ANKS1B: variants seen among roughly 807,000 people sequenced by gnomAD.
ANKS1B encodes the protein ankyrin repeat and sterile alpha motif domain-containing protein 1B.
A neutral mutation model predicts 148.3 loss-of-function variants in ANKS1B; 36 were observed. That is an observed-to-expected ratio of 0.24 (90% confidence interval 0.19 to 0.32). The LOEUF (loss-of-function observed/expected upper bound fraction) is 0.32, where lower values mean the gene tolerates loss of function less well. ANKS1B is among the 10% of genes least tolerant of loss of function. The probability of loss-of-function intolerance (pLI) is 1.00; values close to 1 mark genes in which losing one functional copy is unlikely to be tolerated. For synonymous variants in ANKS1B, 542 were observed against 560.8 expected (o/e 0.97, Z 0.47); for missense variants, 1,157 against 1,542.6 (o/e 0.75, Z 4.19).
At chr12:99,727,691 A>C (rs1037871118) in intron 8 of ANKS1B, among the ~76,000 whole-genome samples, 9 of 152,194 alleles carry the variant, frequency 5.9e-5, no homozygotes, top group African/African-American at 2.2e-4. Context: ...GGACAATCCT[A>C]ATCAAAAAGA....
intron 16 of ANKS1B, among the ~76,000 whole-genome samples, chr12:99,057,978 A>G (rs1565804369): frequency 6.6e-6 from 1 of 152,158 alleles, no homozygotes; most frequent in Non-Finnish European, 1.5e-5. Context: ...TAAGAAAAAA[A>G]TATTTTTTGT....
intron 10 of ANKS1B, among the ~76,000 whole-genome samples, chr12:99,447,765 T>C (rs866389152): frequency 1.3e-5 from 2 of 151,866 alleles, no homozygotes; most frequent in African/African-American, 2.4e-5. Context: ...GAGAAAACAA[T>C]AACCTGATTT....
intron 1 of ANKS1B, among the ~76,000 whole-genome samples, chr12:99,976,871 GT>G (rs1254628722): frequency 2.0e-5 from 3 of 152,186 alleles, no homozygotes; most frequent in Non-Finnish European, 4.4e-5. Context: ...AACAATGTAT[GT>G]TTTTGTGATT....
At chr12:99,430,442 G>A (rs934114355) in intron 11 of ANKS1B, among the ~76,000 whole-genome samples, 1 of 152,148 alleles carries the variant, frequency 6.6e-6, no homozygotes, top group African/African-American at 2.4e-5. Flanking sequence ...TTTGATGTCT[G>A]GCAAGTAAGT....
At chr12:99,875,348 T>C (rs913688416) in intron 1 of ANKS1B, among the ~76,000 whole-genome samples, 2 of 152,164 alleles carry the variant, frequency 1.3e-5, no homozygotes, top group African/African-American at 2.4e-5. Flanking sequence ...GCTTGTAGAT[T>C]TGAATCATTT....
At chr12:98,850,568 C>T (rs568949143) in intron 17 of ANKS1B, among the ~76,000 whole-genome samples, 6 of 142,264 alleles carry the variant, frequency 4.2e-5, no homozygotes, top group South Asian at 4.8e-4. Context: ...CCTGGGTTCA[C>T]GCCATTCTCC....
chr12:99,093,039 G>A (rs1045656440), intron 15 of ANKS1B, among the ~76,000 whole-genome samples: 1 of 152,112 alleles, frequency 6.6e-6, no homozygotes, highest in Non-Finnish European at 1.5e-5. Flanking sequence ...TACATAAAAA[G>A]AACCAAATGT....
intron 10 of ANKS1B, among the ~76,000 whole-genome samples, chr12:99,484,551 T>G (rs1243430870): frequency 6.6e-6 from 1 of 152,004 alleles, no homozygotes. Flanking sequence ...CTTTGTTGAT[T>G]TTACGTCTCA....
chr12:99,466,157 T>C (rs977140342), intron 10 of ANKS1B, among the ~76,000 whole-genome samples: 5 of 152,062 alleles, frequency 3.3e-5, no homozygotes, highest in African/African-American at 9.7e-5. Context: ...CTCAACTACA[T>C]GGAAACTGAA....
chr12:99,014,474 A>C (rs1169113007), intron 17 of ANKS1B, among the ~76,000 whole-genome samples: 1 of 152,270 alleles, frequency 6.6e-6, no homozygotes, highest in Non-Finnish European at 1.5e-5. Context: ...CAAAGATTTC[A>C]TGATGAAGAT....
chr12:98,781,337 C>T (rs1458202777), intron 23 of ANKS1B, 134 bp from the exon 24 acceptor site: 2 of 689,900 alleles, frequency 2.9e-6, no homozygotes, highest in East Asian at 2.7e-5. Context: ...CACACACACA[C>T]ACACATCAGA....
intron 14 of ANKS1B, among the ~76,000 whole-genome samples, chr12:99,198,997 G>A (rs2081730906): frequency 6.6e-6 from 1 of 152,172 alleles, no homozygotes; most frequent in Admixed American, 6.5e-5. Context: ...GAGCGGTCCT[G>A]TGGAGGGGCC....
chr12:99,754,989 A>C (rs1188465108), intron 8 of ANKS1B, among the ~76,000 whole-genome samples: 2 of 152,144 alleles, frequency 1.3e-5, no homozygotes, highest in Non-Finnish European at 2.9e-5. Flanking sequence ...TACAAAACAT[A>C]ACCAAAATCA....
At chr12:98,975,044 CTTCCT>C (rs1346878853) in intron 17 of ANKS1B, among the ~76,000 whole-genome samples, 5 of 121,512 alleles carry the variant, frequency 4.1e-5, no homozygotes, top group African/African-American at 1.6e-4. Flanking sequence ...CTTTTCCTTC[CTTCCT>C]TTCCTTCCCT....
intron 1 of ANKS1B, among the ~76,000 whole-genome samples, chr12:99,904,785 T>C (rs1411914073): frequency 6.6e-6 from 1 of 152,212 alleles, no homozygotes; most frequent in Non-Finnish European, 1.5e-5. Context: ...CCTAGTAATT[T>C]TGATAATCAC....
At chr12:99,162,184 G>T (rs1481227985) in intron 14 of ANKS1B, among the ~76,000 whole-genome samples, 2 of 152,102 alleles carry the variant, frequency 1.3e-5, no homozygotes, top group Non-Finnish European at 2.9e-5. Flanking sequence ...AGTGAACTGT[G>T]GAAAGTGACT....
At chr12:98,769,296 T>C (rs2098537249) in intron 25 of ANKS1B, among the ~76,000 whole-genome samples, 1 of 147,626 alleles carries the variant, frequency 6.8e-6, no homozygotes, top group African/African-American at 2.5e-5. Flanking sequence ...ACAAAATCCA[T>C]GCTCAAAGAA....
chr12:99,441,706 T>C (rs938866718), intron 11 of ANKS1B, among the ~76,000 whole-genome samples: 12 of 152,092 alleles, frequency 7.9e-5, no homozygotes, highest in Middle Eastern at 3.4e-3. Context: ...AGCATTGTTA[T>C]AACATTTAAG....
intron 17 of ANKS1B, among the ~76,000 whole-genome samples, chr12:98,964,802 G>A (rs1349125826): frequency 6.6e-6 from 1 of 152,144 alleles, no homozygotes; most frequent in Admixed American, 6.6e-5. Context: ...GGTTACCAGA[G>A]GTTGGGAAGG....
Sources: allele counts gnomAD v4.1 joint callset (sites outside exome capture counted in the v4.1 genomes callset), GRCh38; gene constraint gnomAD v4.1.1; transcripts MANE v1.5; gene names NCBI Gene and HGNC (gene_info 2026-07-23, HGNC 2026-07-21).